The following COL12A1 variants were observed in gnomAD, a reference collection of about 807,000 sequenced individuals.
The protein encoded by COL12A1 is collagen type XII alpha 1 chain, also known as collagen alpha-1(XII) chain.
In COL12A1, 114 loss-of-function variants were observed where a neutral mutation model predicts 349.7. That is an observed-to-expected ratio of 0.33 (90% CI 0.28 to 0.38). COL12A1 has a LOEUF of 0.38. Ranked by LOEUF, COL12A1 falls within the 10% of genes least tolerant of loss-of-function variation. The pLI is 1.00. For missense variants in COL12A1, 3,284 were observed against 3,756.9 expected (o/e 0.87, Z 3.29); for synonymous variants, 1,369 against 1,329.0 (o/e 1.03, Z -0.66).
At chr6:75,175,010 G>C (rs746187101) in intron 13 of COL12A1, 28 bp downstream of exon 13, 1 of 1,610,348 alleles carries the variant, frequency 6.2e-7, no homozygotes, top group African/African-American at 1.3e-5. Context: ...CAAGTTCCTG[G>C]ATTTTCAGAA....
Position 75,156,454 on chromosome 6 carries a change from G to A in COL12A1, c.3053C>T (p.Pro1018Leu), listed in dbSNP as rs749091746. 1 of 1,613,672 alleles carries A rather than the reference G, an allele frequency of 6.2e-7. No homozygotes were observed. Among genetic ancestry groups the A allele is most frequent in the African/African-American group, 1.3e-5 (1 of 74,848 alleles). The change falls in exon 15 of 66, where the codon CCA becomes CTA. Residue 1018 changes from proline to leucine, a missense_variant. Pro to Leu is a moderately conservative substitution (Grantham distance 98, BLOSUM62 -3). This residue lies in a region of COL12A1 where 2,601 missense variants were observed against 2,824.8 expected (regional missense o/e 0.92). Transcript: ENST00000322507. ...TENTMRVTWK[P>L]APGKVVNYRV... is the part of the protein sequence containing the mutation. ...GTAGTTGACGACTTTCCCTGGTGCT[G>A]GTTTCCATGTAACTCTCATTGTGTT...
At chr6:75,135,102 G>A (rs376800587) in intron 31 of COL12A1, among the ~76,000 whole-genome samples, 98 of 149,580 alleles carry the variant, frequency 6.6e-4, no homozygotes, top group African/African-American at 2.1e-3. Flanking sequence ...CTTGCTAGCC[G>A]CCAGCACTGC....
intron 37 of COL12A1, 50 bp from the exon 38 acceptor site, chr6:75,128,475 G>T (rs757200276): frequency 6.9e-7 from 1 of 1,444,026 alleles, no homozygotes; most frequent in Non-Finnish European, 9.2e-7. Context: ...AAGACTTCCA[G>T]ATCAAAAGAC....
intron 54 of COL12A1, 147 bp downstream of exon 54, chr6:75,105,059 T>A (rs1395909158): frequency 3.5e-6 from 2 of 566,894 alleles, no homozygotes; most frequent in Non-Finnish European, 6.2e-6. Flanking sequence ...TGTCCAAATA[T>A]ACTAAAAAGA....
intron 12 of COL12A1, 118 bp from the exon 13 acceptor site, chr6:75,175,428 T>A (rs559538698): frequency 4.1e-6 from 5 of 1,206,470 alleles, no homozygotes; most frequent in Non-Finnish European, 4.5e-6. Context: ...TGGGTGAGAC[T>A]ATGACAATTT....
intron 12 of COL12A1, among the ~76,000 whole-genome samples, chr6:75,176,675 C>G (rs1002360450): frequency 2.6e-5 from 4 of 152,030 alleles, no homozygotes; most frequent in African/African-American, 9.7e-5. Context: ...TTTCCTCAGC[C>G]TCAATTCTCT....
At chr6:75,098,619 A>T (rs1421948324) in intron 58 of COL12A1, among the ~76,000 whole-genome samples, 1 of 152,154 alleles carries the variant, frequency 6.6e-6, no homozygotes, top group African/African-American at 2.4e-5. Context: ...TGATCGCACC[A>T]CTGCACTCCA....
chr6:75,162,419 C>T (rs1416855887), intron 14 of COL12A1, among the ~76,000 whole-genome samples: 1 of 152,158 alleles, frequency 6.6e-6, no homozygotes, highest in Non-Finnish European at 1.5e-5. Context: ...AAAGGATTCC[C>T]TATTTAATAA....
intron 5 of COL12A1, among the ~76,000 whole-genome samples, chr6:75,190,900 G>C (rs1008189918): frequency 1.3e-5 from 2 of 151,822 alleles, no homozygotes; most frequent in Admixed American, 6.6e-5. Context: ...GAAAATATTA[G>C]CATCTGAAAT....
chr6:75,202,602 A>G (rs781551224), intron 2 of COL12A1, 118 bp downstream of exon 2: 6 of 996,734 alleles, frequency 6.0e-6, no homozygotes, highest in African/African-American at 1.6e-5. Context: ...GAGAGAAACC[A>G]CCGGAGAAAG....
At chr6:75,109,846 C>A (rs1236157221) in intron 51 of COL12A1, among the ~76,000 whole-genome samples, 1 of 151,984 alleles carries the variant, frequency 6.6e-6, no homozygotes, top group Non-Finnish European at 1.5e-5. Flanking sequence ...AAAGAATGGT[C>A]CTGGGTAATC....
chr6:75,157,411 A>G (rs1474046810), intron 14 of COL12A1, among the ~76,000 whole-genome samples: 1 of 152,010 alleles, frequency 6.6e-6, no homozygotes, highest in African/African-American at 2.4e-5. Flanking sequence ...TCAAGTGGTC[A>G]AGAGCCATTT....
At chr6:75,131,845 T>A in intron 35 of COL12A1, 95 bp downstream of exon 35, 2 of 1,346,150 alleles carry the variant, frequency 1.5e-6, no homozygotes, top group South Asian at 1.3e-5. Context: ...TACACTGGCA[T>A]GTTTGTGGTT....
At chr6:75,180,802 T>C in intron 11 of COL12A1, 137 bp downstream of exon 11, 1 of 1,017,538 alleles carries the variant, frequency 9.8e-7, no homozygotes, top group Non-Finnish European at 1.4e-6. Context: ...TATGAAAAGC[T>C]GTCTTTTAAA....
chr6:75,106,378 A>T, intron 53 of COL12A1, 41 bp downstream of exon 53: 1 of 1,511,624 alleles, frequency 6.6e-7, no homozygotes, highest in South Asian at 1.1e-5. Flanking sequence ...TTACTGGGGG[A>T]CTGTTAAAGC....
At position 75,183,662 on chromosome 6, in the gene COL12A1, GA is replaced by G. The variant is rs760392744; in HGVS notation, c.1289-11del. On this transcript the variant is annotated splice_polypyrimidine_tract_variant and intron_variant, in intron 9 of 65. Coordinates refer to ENST00000322507, the MANE Select transcript of COL12A1 (RefSeq NM_004370.6). Reference sequence around the variant, plus strand: ...ACACCACGTGAGCATTCTGTAAAGAGAAAAAAAGTACATTAAACTTCAATAC... The same window carrying G: ...ACACCACGTGAGCATTCTGTAAAGAGAAAAAAGTACATTAAACTTCAATAC... The G allele has an allele frequency of 3.2e-6, 5 of 1,579,646 alleles. No homozygotes were observed. Among genetic ancestry groups the G allele is most frequent in the South Asian group, 2.4e-5 (2 of 84,350 alleles).
intron 26 of COL12A1, among the ~76,000 whole-genome samples, chr6:75,142,371 A>G (rs935334162): frequency 6.6e-6 from 1 of 152,220 alleles, no homozygotes; most frequent in African/African-American, 2.4e-5. Flanking sequence ...CATATGGCAC[A>G]TGACTCTCTA....
At position 75,125,225 on chromosome 6, in the gene COL12A1, G is replaced by A; in HGVS notation, c.6509C>T (p.Thr2170Ile). 1 of 1,610,622 alleles carries A rather than the reference G, an allele frequency of 6.2e-7. No individual in the cohort carries two copies. The highest frequency in any genetic ancestry group is 1.1e-5 in the South Asian group (1 of 90,414). Residue 2170 changes from threonine (T) to isoleucine (I), a missense_variant, in exon 40 of 66, where the codon ACC becomes ATC. Physicochemically the swap from Thr to Ile is moderately conservative, Grantham distance 89. Coordinates refer to ENST00000322507, the MANE Select transcript of COL12A1 (RefSeq NM_004370.6). Reference protein sequence around the residue: ...EAFVGEMTSYTLHNLNPSTTY... With the variant: ...EAFVGEMTSYILHNLNPSTTY... ...GGTGCTGGGATTGAGATTGTGTAAG[G>A]TATATGATGTCATTTCTCCAACAAA...
intron 27 of COL12A1, among the ~76,000 whole-genome samples, chr6:75,141,458 G>A (rs1302362686): frequency 6.6e-6 from 1 of 152,156 alleles, no homozygotes; most frequent in Non-Finnish European, 1.5e-5. Flanking sequence ...GTCTGGGCAG[G>A]CTGCCCGGTA....
Sources: gnomAD v4.1 joint callset for allele counts (sites outside exome capture counted in the v4.1 genomes callset) on GRCh38, gnomAD v4.1.1 for gene constraint, gnomAD v4.1.1 regional missense constraint, MANE v1.5 for transcripts, NCBI Gene and HGNC (gene_info 2026-07-23, HGNC 2026-07-21) for gene names.